Variants in NGEF observed in about 807,000 individuals in gnomAD.
NGEF encodes the protein neuronal guanine nucleotide exchange factor, also known as ephexin-1.
In NGEF, 31 loss-of-function variants were observed where a neutral mutation model predicts 80.9. The observed-to-expected ratio is 0.38, with a 90% confidence interval of 0.29 to 0.52. NGEF has a LOEUF of 0.52. NGEF is among the 20% of genes least tolerant of loss of function. The pLI, the probability that NGEF is intolerant of heterozygous loss-of-function variation, is 0.84. For synonymous variants in NGEF, 371 were observed against 370.2 expected (o/e 1.00, Z -0.03); for missense variants, 709 against 926.2 (o/e 0.77, Z 3.04).
At chr2:232,921,285 T>TG (rs1333552624) in intron 4 of NGEF, among the ~76,000 whole-genome samples, 1 of 151,892 alleles carries the variant, frequency 6.6e-6, no homozygotes, top group Non-Finnish European at 1.5e-5. Flanking sequence ...ATGTTGGGGT[T>TG]GGGGGGTTGC....
intron 10 of NGEF, chr2:232,884,915 TC>T (rs1201395690): frequency 5.4e-6 from 1 of 184,656 alleles, no homozygotes. Flanking sequence ...GCTGGTAACT[TC>T]CAAATCCTCC....
rs568388058 is a variant in NGEF, at chr2:232,893,630, C to T, written c.990-580G>A. ...CTCTACTAAAAATACAAAAAATTAGCCGAGTGTGGTGGTGGACGCCTGTAA... is the reference window on the plus strand; with the variant it reads ...CTCTACTAAAAATACAAAAAATTAGTCGAGTGTGGTGGTGGACGCCTGTAA... On this transcript the variant is annotated intron_variant, in intron 6 of 14. Transcript: ENST00000264051. Among the ~76,000 whole-genome samples the T allele has an allele frequency of 2.0e-5, 3 of 152,214 alleles. No homozygotes were observed. In the East Asian group the frequency reaches 5.8e-4, roughly 30 times the overall value.
chr2:232,979,363 C>T (rs1041348340), intron 1 of NGEF, among the ~76,000 whole-genome samples: 3 of 59,036 alleles, frequency 5.1e-5, no homozygotes, highest in Non-Finnish European at 9.4e-5. Context: ...ATTTTACACA[C>T]ACACACACAC....
rs557087038 is a variant in NGEF, at chr2:233,002,034, A to G, written c.-75+11034T>C. 3.3e-5 allele frequency among the ~76,000 whole-genome samples: 5 copies of G among 152,134 alleles called. No homozygotes were observed. The South Asian group carries it at 1.0e-3, about 32-fold the overall frequency. On this transcript the variant is annotated intron_variant, in intron 1 of 14. Coordinates refer to ENST00000264051, the MANE Select transcript of NGEF (RefSeq NM_019850.3). ...ATAATAATAATAAAATAAAAAAAAG[A>G]AAGTGAGCAGTAATGGCAGGGACAT... is the stretch of plus-strand genomic sequence containing the variant.
At chr2:232,926,375 G>A (rs952410762) in intron 4 of NGEF, among the ~76,000 whole-genome samples, 4 of 151,504 alleles carry the variant, frequency 2.6e-5, no homozygotes, top group Non-Finnish European at 5.9e-5. Flanking sequence ...GAAGTTCTTG[G>A]GTCACTATTT....
chr2:232,901,485 T>G (rs929542265), intron 5 of NGEF: 1 of 960,374 alleles, frequency 1.0e-6, no homozygotes, highest in Admixed American at 6.2e-5. Context: ...CTGTCTCTGA[T>G]GCTGTGACCT....
At chr2:232,989,380 A>G (rs1215811886) in intron 1 of NGEF, among the ~76,000 whole-genome samples, 2 of 152,192 alleles carry the variant, frequency 1.3e-5, no homozygotes, top group Non-Finnish European at 2.9e-5. Context: ...CCCGGGAGGC[A>G]GAGTTGCAGT....
chr2:232,975,415 C>T (rs752177581), intron 1 of NGEF, among the ~76,000 whole-genome samples: 6 of 152,070 alleles, frequency 3.9e-5, no homozygotes, highest in Non-Finnish European at 7.4e-5. Context: ...AAGGTTGATC[C>T]CCAAGGCGAC....
intron 3 of NGEF, among the ~76,000 whole-genome samples, chr2:232,969,546 T>A (rs1181907637): frequency 7.1e-6 from 1 of 141,660 alleles, no homozygotes; most frequent in Admixed American, 7.1e-5. Flanking sequence ...TCTCACTCCA[T>A]CACCAGGATT....
chr2:232,920,328 C>T lies in NGEF; in HGVS notation c.784G>A (p.Gly262Arg), dbSNP rs758702126. 9.3e-6 allele frequency: 15 copies of T among 1,614,032 alleles called. No homozygotes were observed. Among genetic ancestry groups the T allele is most frequent in the South Asian group, 4.4e-5 (4 of 91,066 alleles). ...TCGGGCTGTAGGATCTCAAGCACCC[C>T]GCTGCTCCGGATCTCGGGAAGATCC... is the stretch of plus-strand genomic sequence containing the variant. ...WQDLPEIRSS[G>R]VLEILQPEEI... The change falls in exon 5 of 15, where the codon GGG (glycine) becomes AGG (arginine). Residue 262 changes from glycine (G) to arginine (R), a missense_variant. By Grantham distance (125) the Gly-to-Arg change is moderately radical. This residue lies in a region of NGEF where 426 missense variants were observed against 622.9 expected (regional missense o/e 0.68). Coordinates refer to ENST00000264051, the MANE Select transcript of NGEF (RefSeq NM_019850.3).
chr2:232,995,032 ATG>A (rs1559239246), intron 1 of NGEF, among the ~76,000 whole-genome samples: 1 of 86,972 alleles, frequency 1.1e-5, no homozygotes, highest in African/African-American at 4.7e-5. Flanking sequence ...TACTGTATAT[ATG>A]TACAGTATGT....
intron 1 of NGEF, among the ~76,000 whole-genome samples, chr2:233,008,409 T>A (rs1244688891): frequency 6.6e-6 from 1 of 152,202 alleles, no homozygotes; most frequent in Non-Finnish European, 1.5e-5. Flanking sequence ...TCTCCAGGGA[T>A]TTGGCCTTCA....
rs1226441023 is a variant in NGEF at position 232,969,441 on chromosome 2, C to T, written c.383+773G>A. ...CAGTGAACTATCTCTCCCTCCCTCC[C>T]TCCCTCCCCTTCCTTCCTTCCTTCC... On this transcript the variant is annotated intron_variant, in intron 3 of 14. Coordinates refer to ENST00000264051, the MANE Select transcript of NGEF (RefSeq NM_019850.3). 5.0e-4 allele frequency among the ~76,000 whole-genome samples: 36 copies of T among 72,056 alleles called. 1 individual carries two copies. The highest frequency in any genetic ancestry group is 2.6e-3 in the African/African-American group (36 of 13,636). The allele number at this position is 72,056 out of a possible 152,430, so 47.3% of individuals were successfully genotyped here.
chr2:232,924,904 A>G (rs1181724279), intron 4 of NGEF, among the ~76,000 whole-genome samples: 3 of 152,228 alleles, frequency 2.0e-5, no homozygotes, highest in Non-Finnish European at 4.4e-5. Context: ...ACTGTGTTAC[A>G]CAGTTACCTG....
intron 5 of NGEF, 83 bp downstream of exon 5, chr2:232,920,201 C>G: frequency 7.3e-7 from 1 of 1,361,166 alleles, no homozygotes; most frequent in Non-Finnish European, 1.0e-6. Flanking sequence ...GGGAACCTCA[C>G]CCCCCAGAGG....
intron 8 of NGEF, among the ~76,000 whole-genome samples, chr2:232,889,224 C>T (rs1044256457): frequency 1.3e-4 from 20 of 152,206 alleles, no homozygotes; most frequent in Admixed American, 6.5e-4. Context: ...ACGGTTTAGA[C>T]GCCATCTTTT....
At chr2:232,910,450 G>T (rs1692667562) in intron 5 of NGEF, among the ~76,000 whole-genome samples, 1 of 151,920 alleles carries the variant, frequency 6.6e-6, no homozygotes. Context: ...TGGCGAGGTG[G>T]GGGGTGGGGG....
chr2:232,948,815 T>C (rs1193628852), intron 3 of NGEF, among the ~76,000 whole-genome samples: 1 of 151,952 alleles, frequency 6.6e-6, no homozygotes, highest in African/African-American at 2.4e-5. Context: ...GTCAGGAGTT[T>C]GAGACTCGCC....
At chr2:232,916,297 C>T (rs1692801368) in intron 5 of NGEF, among the ~76,000 whole-genome samples, 1 of 152,166 alleles carries the variant, frequency 6.6e-6, no homozygotes, top group Admixed American at 6.5e-5. Context: ...GAGGTAGGTA[C>T]TAGGATTTCC....
Sources: allele counts gnomAD v4.1 joint callset (sites outside exome capture counted in the v4.1 genomes callset), GRCh38; gene constraint gnomAD v4.1.1; regional missense constraint gnomAD v4.1.1; transcripts MANE v1.5; gene names NCBI Gene and HGNC (gene_info 2026-07-23, HGNC 2026-07-21).